The following MYO18A variants were observed in gnomAD, a reference collection of about 807,000 sequenced individuals.
MYO18A encodes myosin XVIIIA.
A neutral mutation model predicts 235.8 loss-of-function variants in MYO18A; 78 were observed. The ratio of observed to expected loss-of-function variants is 0.33; its 90% CI spans 0.28 to 0.40. The LOEUF (loss-of-function observed/expected upper bound fraction) is 0.40. Ranked by LOEUF, MYO18A falls within the 10% of genes least tolerant of loss-of-function variation. MYO18A has a pLI of 1.00. For synonymous variants in MYO18A, 977 were observed against 1,077.8 expected (o/e 0.91, Z 1.83); for missense variants, 2,215 against 2,699.3 (o/e 0.82, Z 3.98).
intron 23 of MYO18A, among the ~76,000 whole-genome samples, 183 bp downstream of exon 23, chr17:29,098,643 G>A (rs1189795947): frequency 2.0e-5 from 3 of 152,186 alleles, no homozygotes; most frequent in Admixed American, 2.0e-4. Context: ...GGATGCCCAA[G>A]ATTTTATCGT....
chr17:29,129,147 T>G, intron 2 of MYO18A: 3 of 1,283,274 alleles, frequency 2.3e-6, no homozygotes, highest in East Asian at 5.6e-5. Context: ...AGGGAGCTCT[T>G]CCTGGCCCCA....
Position 29,086,983 on chromosome 17 carries a change from C to T in MYO18A, c.5665G>A (p.Glu1889Lys), listed in dbSNP as rs1187911125. Reference sequence around the variant, plus strand: ...GCCTCGGCCTCCTTCCTGGCAAGCTCGCCCATCTCCTCCTTGGTGTCCCGG... The same window carrying T: ...GCCTCGGCCTCCTTCCTGGCAAGCTTGCCCATCTCCTCCTTGGTGTCCCGG... ...QLRDTKEEMG[E>K]LARKEAEASR... The change falls in exon 38 of 42, where the codon GAG (glutamate) becomes AAG (lysine). Residue 1889 changes from glutamate (E) to lysine (K), a missense_variant. Transcript: ENST00000527372. 1.5e-5 allele frequency: 24 copies of T among 1,613,762 alleles called. No homozygotes were observed. The highest frequency in any genetic ancestry group is 3.3e-5 in the Admixed American group (2 of 59,984).
At chr17:29,098,026 A>G (rs2066563636) in intron 25 of MYO18A, 79 bp downstream of exon 25, 4 of 1,587,230 alleles carry the variant, frequency 2.5e-6, no homozygotes, top group Admixed American at 1.7e-5. Context: ...GAAGATGCCA[A>G]CTGTCTTTGG....
intron 10 of MYO18A, 91 bp from the exon 11 acceptor site, chr17:29,116,546 G>A (rs1456390535): frequency 3.4e-5 from 52 of 1,508,262 alleles, no homozygotes; most frequent in Middle Eastern, 1.7e-4. Context: ...CGGAGGGACC[G>A]TGGGGCGGGG....
rs557071088 is a variant in MYO18A at position 29,118,829 on chromosome 17, C to T, written c.1830-389G>A. ...TTTATCTCTTTTTAGTGAACACACGCGGCAAATCTGAATGTCTGAAGGGAA... is the reference window on the plus strand; with the variant it reads ...TTTATCTCTTTTTAGTGAACACACGTGGCAAATCTGAATGTCTGAAGGGAA... On this transcript the variant is annotated intron_variant, in intron 8 of 41. Transcript: ENST00000527372. The surrounding 1 kb of genome is among the most constrained non-coding windows in gnomAD (Gnocchi z 4.2). 1.6e-4 allele frequency among the ~76,000 whole-genome samples: 24 copies of T among 152,346 alleles called. No individual in the cohort carries two copies. In the South Asian group the frequency reaches 3.7e-3, roughly 24 times the overall value.
rs776733841 is a variant in MYO18A, at chr17:29,121,767, C to T, written c.1195-44G>A. ...GGGTGGGTATTAGAGCAGCAGAGCCCATCTCCGCTGCCAGAGGATGGGCCT... is the reference window on the plus strand; with the variant it reads ...GGGTGGGTATTAGAGCAGCAGAGCCTATCTCCGCTGCCAGAGGATGGGCCT... On this transcript the variant is annotated intron_variant, in intron 4 of 41. Transcript: ENST00000527372. The surrounding 1 kb of genome is among the most constrained non-coding windows in gnomAD (Gnocchi z 4.2). The T allele has an allele frequency of 6.3e-7, 1 of 1,599,424 alleles. No homozygotes were observed. The highest frequency in any genetic ancestry group is 8.5e-7 in the Non-Finnish European group (1 of 1,171,452).
Position 29,103,644 on chromosome 17 carries a change from C to A in MYO18A, c.3462G>T (p.Glu1154Asp), listed in dbSNP as rs779695406. 2 of 1,613,740 alleles carry A rather than the reference C, an allele frequency of 1.2e-6. No homozygotes were observed. Among genetic ancestry groups the A allele is most frequent in the Admixed American group, 3.3e-5 (2 of 60,014 alleles). The stretch of plus-strand genomic sequence containing the variant: ...AGCTGCTCTTCTCCAGATCCAAGCA[C>A]TCCAGCAGCTCCTCCACTGCCTGTG... ...DERRAVEELL[E>D]CLDLEKSSCC... Residue 1154 changes from glutamate (E) to aspartate (D), a missense_variant, in exon 21 of 42, where the codon GAG (glutamate) becomes GAT (aspartate). Coordinates refer to ENST00000527372, the MANE Select transcript of MYO18A (RefSeq NM_078471.4).
chr17:29,173,347 C>G (rs2068449335), intron 1 of MYO18A, among the ~76,000 whole-genome samples: 1 of 151,140 alleles, frequency 6.6e-6, no homozygotes, highest in Admixed American at 6.6e-5. Flanking sequence ...CTGCCTCGGC[C>G]TTCCAAAGTG....
intron 41 of MYO18A, chr17:29,080,739 C>G: frequency 1.0e-6 from 1 of 985,514 alleles, no homozygotes; most frequent in Non-Finnish European, 1.2e-6. Context: ...GGCCAGCGCG[C>G]CCCCCGGTCC....
chr17:29,122,356 A>C lies in MYO18A; in HGVS notation c.1000-103T>G, dbSNP rs577456714. The C allele has an allele frequency of 3.8e-4, 382 of 1,015,296 alleles. 3 individuals are homozygous for C. The South Asian group carries it at 4.2e-3, about 11-fold the overall frequency. The allele number at this position is 1,015,296 out of a possible 1,614,324, so 62.9% of individuals were successfully genotyped here. ...GAGGGCATGGGCTTTGAGACAAGCCACTGGGCAAGGAATGAGTTAGGTGAC... is the reference window on the plus strand; with the variant it reads ...GAGGGCATGGGCTTTGAGACAAGCCCCTGGGCAAGGAATGAGTTAGGTGAC... On this transcript the variant is annotated intron_variant, in intron 2 of 41. Coordinates refer to ENST00000527372, the MANE Select transcript of MYO18A (RefSeq NM_078471.4).
intron 2 of MYO18A, among the ~76,000 whole-genome samples, chr17:29,138,823 C>T (rs1453757913): frequency 2.0e-5 from 3 of 152,330 alleles, no homozygotes; most frequent in Non-Finnish European, 4.4e-5. Flanking sequence ...GATGGAGGCA[C>T]GCCCTGCCCT....
rs527793375 is a variant in MYO18A at position 29,145,165 on chromosome 17, G to A, written c.999+20777C>T. 3.3e-5 allele frequency among the ~76,000 whole-genome samples: 5 copies of A among 152,256 alleles called. No individual in the cohort carries two copies. In the South Asian group the frequency reaches 1.0e-3, roughly 32 times the overall value. On this transcript the variant is annotated intron_variant, in intron 2 of 41. Coordinates refer to ENST00000527372, the MANE Select transcript of MYO18A (RefSeq NM_078471.4). ...AAGCCTGCTCTCCCTGGAGAGCTGG[G>A]ACCATTTCCTACTTCCTTTATATCC...
intron 2 of MYO18A, chr17:29,155,285 T>C (rs1000106638): frequency 1.3e-5 from 2 of 152,360 alleles, no homozygotes; most frequent in Non-Finnish European, 2.9e-5. Context: ...GCAACAAGGC[T>C]CTGGGGACAT....
At position 29,118,262 on chromosome 17, in the gene MYO18A, G is replaced by A. The variant is rs1239278724; in HGVS notation, c.1894-73C>T. ...CATGAGGCTGGGCCCTCAGGGCAAGGCTTGGGTAGAGCCAGCAGCTGGAGC... is the reference window on the plus strand; with the variant it reads ...CATGAGGCTGGGCCCTCAGGGCAAGACTTGGGTAGAGCCAGCAGCTGGAGC... On this transcript the variant is annotated intron_variant, in intron 9 of 41. Transcript: ENST00000527372. The surrounding 1 kb of genome is among the most constrained non-coding windows in gnomAD (Gnocchi z 4.2). The A allele has an allele frequency of 9.0e-6, 14 of 1,558,380 alleles. No individual in the cohort carries two copies. The highest frequency in any genetic ancestry group is 1.2e-5 in the Non-Finnish European group (14 of 1,147,312).
At position 29,072,667 on chromosome 17, in the gene MYO18A, CCTT is replaced by C. The variant is rs1346766785; in HGVS notation, c.*2100_*2102del. 6.6e-6 allele frequency: 1 copy of C among 152,202 alleles called. No individual in the cohort carries two copies. The highest frequency in any genetic ancestry group is 1.5e-5 in the Non-Finnish European group (1 of 68,072). The allele number at this position is 152,202 out of a possible 1,614,324, so 9.4% of individuals were successfully genotyped here. ...ATTCATTTTGGGGGAGACTTTTCTC[CCTT>C]CTTCCCTTTTGGACTCTTTCTGGAT... On this transcript the variant is annotated 3_prime_UTR_variant, in exon 42 of 42. Coordinates refer to ENST00000527372, the MANE Select transcript of MYO18A (RefSeq NM_078471.4).
In MYO18A at chr17:29,073,596, G is replaced by T; in HGVS notation, c.*1174C>A. The stretch of plus-strand genomic sequence containing the variant: ...ACAGCCCAGTGAGTACAAACCAATT[G>T]CAGGAGAGAAGGGGGGCGGCAGATG... On this transcript the variant is annotated 3_prime_UTR_variant, in exon 42 of 42. Transcript: ENST00000527372. 1 of 443,446 alleles carries T rather than the reference G, an allele frequency of 2.3e-6. No individual in the cohort carries two copies. The highest frequency in any genetic ancestry group is 4.0e-6 in the Non-Finnish European group (1 of 248,074). The allele number at this position is 443,446 out of a possible 1,614,324, so 27.5% of individuals were successfully genotyped here.
chr17:29,133,125 C>A (rs2067512788), intron 2 of MYO18A, among the ~76,000 whole-genome samples: 1 of 152,236 alleles, frequency 6.6e-6, no homozygotes, highest in South Asian at 2.1e-4. Context: ...GTTTGGGACC[C>A]CAAATGTCTG....
chr17:29,176,830 C>T (rs1321878902), intron 1 of MYO18A: 1 of 152,208 alleles, frequency 6.6e-6, no homozygotes, highest in Non-Finnish European at 1.5e-5. Context: ...CATTAGCCAG[C>T]CCTCACGCCG....
chr17:29,170,852 C>G (rs148324584), intron 1 of MYO18A, among the ~76,000 whole-genome samples: 61 of 152,234 alleles, frequency 4.0e-4, no homozygotes, highest in African/African-American at 1.4e-3. Flanking sequence ...ATAAACAATG[C>G]TCATATTCAT....
Sources: allele counts gnomAD v4.1 joint callset (sites outside exome capture counted in the v4.1 genomes callset), GRCh38; gene constraint gnomAD v4.1.1; non-coding constraint Gnocchi (gnomAD v3.1); transcripts MANE v1.5; gene names NCBI Gene and HGNC (gene_info 2026-07-23, HGNC 2026-07-21).